TENM3: variants seen among roughly 807,000 people sequenced by gnomAD.
TENM3 encodes the protein teneurin-3.
TENM3 carries 63 observed loss-of-function variants against 255.1 expected under a neutral mutation model. The observed-to-expected ratio is 0.25, with a 90% CI of 0.20 to 0.30. The LOEUF is 0.30. Among genes scored for constraint, TENM3 ranks in the 10% least tolerant of loss-of-function variants. The pLI, the probability that TENM3 is intolerant of heterozygous loss-of-function variation, is 1.00. For missense variants in TENM3, 2,929 were observed against 3,461.1 expected, an observed-to-expected ratio of 0.85 and a Z score of 3.86; for synonymous variants, 1,306 against 1,322.3, an observed-to-expected ratio of 0.99 and a Z score of 0.27.
chr4:182,664,204 G>T (rs1304218855), intron 6 of TENM3, among the ~76,000 whole-genome samples: 1 of 152,106 alleles, frequency 6.6e-6, no homozygotes, highest in African/African-American at 2.4e-5. Context: ...AACAGCATGT[G>T]CTCACATCAT....
intron 1 of TENM3, among the ~76,000 whole-genome samples, chr4:182,256,472 G>A (rs1167091518): frequency 1.3e-5 from 2 of 152,144 alleles, no homozygotes. Context: ...TACATTTGCT[G>A]CTATATCCTA....
At chr4:182,419,283 T>C (rs990739507) in intron 3 of TENM3, among the ~76,000 whole-genome samples, 12 of 152,160 alleles carry the variant, frequency 7.9e-5, no homozygotes, top group African/African-American at 2.9e-4. Flanking sequence ...TCATCATCAC[T>C]GGCCATCAGA....
intron 11 of TENM3, among the ~76,000 whole-genome samples, chr4:182,684,724 C>A (rs1298194671): frequency 6.6e-6 from 1 of 152,116 alleles, no homozygotes; most frequent in Non-Finnish European, 1.5e-5. Context: ...TGTAGTTCGT[C>A]ATTCTTAATT....
the TENM3 span, among the ~76,000 whole-genome samples, chr4:182,044,876 G>C: frequency 9.2e-5 from 14 of 152,166 alleles, no homozygotes; most frequent in Non-Finnish European, 1.5e-5. Flanking sequence ...GCCTCAACAG[G>C]GATTGGAAGC....
chr4:181,613,594 A>G, the TENM3 span, among the ~76,000 whole-genome samples: 1 of 152,188 alleles, frequency 6.6e-6, no homozygotes, highest in Non-Finnish European at 1.5e-5. Context: ...CTGACTTTGT[A>G]TTATGTCTCT....
At chr4:182,748,881 A>C (rs1294415904) in intron 19 of TENM3, among the ~76,000 whole-genome samples, 2 of 152,196 alleles carry the variant, frequency 1.3e-5, no homozygotes, top group Admixed American at 1.3e-4. Context: ...ACATTTTTAA[A>C]GCCATTGACA....
the TENM3 span, among the ~76,000 whole-genome samples, chr4:181,815,150 G>A: frequency 2.0e-5 from 3 of 152,066 alleles, no homozygotes; most frequent in African/African-American, 7.2e-5. Context: ...AGCTATGGCA[G>A]TCTGTGAAAG....
the TENM3 span, chr4:181,905,792 G>A: frequency 1.1e-4 from 36 of 338,508 alleles, no homozygotes; most frequent in South Asian, 1.1e-3. Context: ...GAAATGGCTA[G>A]AGAGAGTCTA....
intron 10 of TENM3, among the ~76,000 whole-genome samples, chr4:182,681,088 A>G (rs1027911293): frequency 1.3e-5 from 2 of 152,164 alleles, no homozygotes; most frequent in Non-Finnish European, 2.9e-5. Flanking sequence ...TGACATCTCT[A>G]GAAAGACAGA....
chr4:182,264,615 A>G (rs1453552915), intron 1 of TENM3, among the ~76,000 whole-genome samples: 3 of 152,190 alleles, frequency 2.0e-5, no homozygotes, highest in African/African-American at 7.2e-5. Flanking sequence ...TCCAGGTTCA[A>G]TTCCCTGCCT....
At chr4:182,551,864 A>G (rs1232554901) in intron 3 of TENM3, among the ~76,000 whole-genome samples, 5 of 152,012 alleles carry the variant, frequency 3.3e-5, no homozygotes, top group Non-Finnish European at 5.9e-5. Flanking sequence ...CCTACAAAAA[A>G]TAACTAGCCA....
At chr4:182,532,568 T>C (rs1479801952) in intron 3 of TENM3, among the ~76,000 whole-genome samples, 1 of 152,218 alleles carries the variant, frequency 6.6e-6, no homozygotes, top group Non-Finnish European at 1.5e-5. Flanking sequence ...CTGAGCTTGA[T>C]TAGTTGATGA....
rs566673278 is a variant in TENM3, at chr4:182,395,206, G to A, written c.511+48277G>A. On this transcript the variant is annotated intron_variant, in intron 3 of 27. Transcript: ENST00000511685. The stretch of plus-strand genomic sequence containing the variant: ...CTGATATGACACTTCTGAAACAAAT[G>A]GATATACTAAGCATTTTAGGAGTAA... Among the ~76,000 whole-genome samples the A allele has an allele frequency of 2.6e-5, 4 of 152,230 alleles. No homozygotes were observed. The East Asian group carries it at 5.8e-4, about 22-fold the overall frequency.
intron 1 of TENM3, among the ~76,000 whole-genome samples, chr4:182,203,419 C>G (rs763191945): frequency 1.2e-4 from 18 of 152,092 alleles, no homozygotes; most frequent in Non-Finnish European, 1.0e-4. Flanking sequence ...TCCCAGTCCC[C>G]AAAGTGGTAG....
At position 182,189,959 on chromosome 4, in the gene TENM3, GT is replaced by G. The variant is rs1482229525; in HGVS notation, c.-76+45209del. On this transcript the variant is annotated intron_variant, in intron 1 of 2. Coordinates refer to the TENM3 transcript ENST00000512480. ...CCTTTAGGGTGGTTTTTGTTTGCTT[GT>G]TTTGTTTTGGGAATTCTAATTTTCT... Among the ~76,000 whole-genome samples, 3 of 152,248 alleles carry G rather than the reference GT, an allele frequency of 2.0e-5. No individual in the cohort carries two copies. In the East Asian group the frequency reaches 5.8e-4, roughly 29 times the overall value.
the TENM3 span, among the ~76,000 whole-genome samples, chr4:181,961,544 C>G: frequency 5.3e-5 from 8 of 151,964 alleles, no homozygotes; most frequent in African/African-American, 9.7e-5. Context: ...CTCAGCCTCC[C>G]GAGTAGCTGG....
chr4:181,539,235 G>A, the TENM3 span, among the ~76,000 whole-genome samples: 3 of 152,152 alleles, frequency 2.0e-5, no homozygotes, highest in Non-Finnish European at 4.4e-5. Context: ...AGTTGAATGA[G>A]CCTATATAAT....
chr4:182,144,704 G>A (rs1392892043), exon 1 of TENM3: 19 of 146,134 alleles, frequency 1.3e-4, no homozygotes, highest in African/African-American at 4.4e-4. Context: ...TCGGGCGGAC[G>A]CGGCGGCTGC....
At position 182,507,981 on chromosome 4, in the gene TENM3, T is replaced by TC. The variant is rs570675782; in HGVS notation, c.512-92938dup. Among the ~76,000 whole-genome samples, 319 of 152,234 alleles carry TC rather than the reference T, an allele frequency of 2.1e-3. 1 individual carries two copies. Among genetic ancestry groups the TC allele is most frequent in the South Asian group, 0.014 (68 of 4,816 alleles). ...TGGGTCCTGGAGCAGATGGTTGCTG[T>TC]CCCCCGAGTGGTTCATACTCAGGCT... On this transcript the variant is annotated intron_variant, in intron 3 of 27. Transcript: ENST00000511685.
Sources: gnomAD v4.1 joint callset for allele counts (sites outside exome capture counted in the v4.1 genomes callset) on GRCh38, gnomAD v4.1.1 for gene constraint, MANE v1.5 for transcripts, NCBI Gene and HGNC (gene_info 2026-07-23, HGNC 2026-07-21) for gene names.